The following ARHGAP24 variants were observed in gnomAD, a reference collection of about 807,000 sequenced individuals.
The protein encoded by ARHGAP24 is rho GTPase-activating protein 24.
A neutral mutation model predicts 76.4 loss-of-function variants in ARHGAP24; 50 were observed. That is an observed-to-expected ratio of 0.65 (90% CI 0.52 to 0.83). The LOEUF (loss-of-function observed/expected upper bound fraction) is 0.83, where lower values mean the gene tolerates loss of function less well. Among genes scored for constraint, ARHGAP24 ranks in the 40% least tolerant of loss-of-function variants. ARHGAP24 has a pLI of 0.00. For synonymous variants in ARHGAP24, 345 were observed against 323.3 expected (o/e 1.07, Z -0.72); for missense variants, 930 against 914.2 (o/e 1.02, Z -0.22).
chr4:85,603,029 T>C (rs991867538), intron 2 of ARHGAP24, among the ~76,000 whole-genome samples: 1 of 152,226 alleles, frequency 6.6e-6, no homozygotes, highest in Admixed American at 6.5e-5. Context: ...ATGAGCAAAA[T>C]GCTGCTTTTT....
intron 8 of ARHGAP24, among the ~76,000 whole-genome samples, chr4:85,988,326 T>C (rs918388451): frequency 4.6e-5 from 7 of 151,682 alleles, no homozygotes; most frequent in South Asian, 4.1e-4. Flanking sequence ...AGATAACCTG[T>C]TGTATAAAGC....
At chr4:85,782,948 A>G (rs1199937358) in intron 3 of ARHGAP24, among the ~76,000 whole-genome samples, 4 of 152,194 alleles carry the variant, frequency 2.6e-5, no homozygotes, top group African/African-American at 9.6e-5. Flanking sequence ...TAAAACTGCT[A>G]TGTTTTATTT....
intron 2 of ARHGAP24, among the ~76,000 whole-genome samples, chr4:85,603,722 CAT>C (rs1720106556): frequency 6.6e-6 from 1 of 152,266 alleles, no homozygotes; most frequent in African/African-American, 2.4e-5. Context: ...TTCAGTTTCT[CAT>C]ATGTTTCTAG....
chr4:85,819,587 C>G (rs1729382174), intron 3 of ARHGAP24, among the ~76,000 whole-genome samples: 1 of 151,888 alleles, frequency 6.6e-6, no homozygotes, highest in Admixed American at 6.6e-5. Flanking sequence ...ATTAACATAC[C>G]ATAAGAAAGC....
At chr4:85,800,607 G>A (rs1022134298) in intron 3 of ARHGAP24, among the ~76,000 whole-genome samples, 5 of 151,940 alleles carry the variant, frequency 3.3e-5, no homozygotes, top group Non-Finnish European at 5.9e-5. Flanking sequence ...AAAAGAGGAG[G>A]AGGAAAATAT....
At chr4:85,790,121 T>C (rs1728050450) in intron 3 of ARHGAP24, among the ~76,000 whole-genome samples, 1 of 152,172 alleles carries the variant, frequency 6.6e-6, no homozygotes, top group Non-Finnish European at 1.5e-5. Context: ...CCCCAGAATA[T>C]GCATTTTAAC....
chr4:85,944,895 T>C (rs963569113), intron 5 of ARHGAP24, among the ~76,000 whole-genome samples: 2 of 152,196 alleles, frequency 1.3e-5, no homozygotes, highest in African/African-American at 4.8e-5. Context: ...TTGCCCAGGC[T>C]GGAGTGCAAT....
At chr4:85,498,386 A>G (rs1723662118) in intron 1 of ARHGAP24, among the ~76,000 whole-genome samples, 1 of 152,154 alleles carries the variant, frequency 6.6e-6, no homozygotes, top group South Asian at 2.1e-4. Context: ...CAGACTGAAT[A>G]GTTGTGTTGC....
Position 85,960,443 on chromosome 4 carries a change from A to G in ARHGAP24, c.600-11593A>G, listed in dbSNP as rs564776446. Among the ~76,000 whole-genome samples the G allele has an allele frequency of 3.1e-3, 465 of 152,110 alleles. 2 individuals carry two copies. Among genetic ancestry groups the G allele is most frequent in the Non-Finnish European group, 5.3e-3 (359 of 67,952 alleles). ...ACATCACTGTGGATATTCATTGAAAACTCTGTGTTCATAAAGTAAAACACA... is the reference window on the plus strand; with the variant it reads ...ACATCACTGTGGATATTCATTGAAAGCTCTGTGTTCATAAAGTAAAACACA... On this transcript the variant is annotated intron_variant, in intron 5 of 9. Coordinates refer to ENST00000395184, the MANE Select transcript of ARHGAP24 (RefSeq NM_001025616.3).
At chr4:85,661,820 A>G (rs1173404773) in intron 2 of ARHGAP24, among the ~76,000 whole-genome samples, 6 of 152,142 alleles carry the variant, frequency 3.9e-5, no homozygotes, top group African/African-American at 1.4e-4. Flanking sequence ...TTCCAATTTC[A>G]TCCATGTCCC....
At position 85,562,883 on chromosome 4, in the gene ARHGAP24, C is replaced by T. The variant is rs114018736; in HGVS notation, c.-20-7639C>T. ...TTCAATGTTGAACTATCATTGTTAC[C>T]GTAGGTGAGGTTAGGAAGGGTAGTG... On this transcript the variant is annotated intron_variant, in intron 1 of 9. Transcript: ENST00000395184. Among the ~76,000 whole-genome samples the T allele has an allele frequency of 3.1e-3, 467 of 152,170 alleles. 4 individuals are homozygous for T. Among genetic ancestry groups the T allele is most frequent in the African/African-American group, 0.011 (451 of 41,516 alleles).
At chr4:85,910,200 G>A (rs755802336) in intron 3 of ARHGAP24, among the ~76,000 whole-genome samples, 7 of 152,212 alleles carry the variant, frequency 4.6e-5, no homozygotes, top group East Asian at 3.9e-4. Context: ...GCTTGAAAAC[G>A]TCAGGTACCA....
chr4:85,597,311 C>A (rs1446158564), intron 2 of ARHGAP24, among the ~76,000 whole-genome samples: 3 of 152,052 alleles, frequency 2.0e-5, no homozygotes, highest in South Asian at 2.1e-4. Flanking sequence ...TCCTTTCCAT[C>A]AAATATCACC....
intron 2 of ARHGAP24, among the ~76,000 whole-genome samples, chr4:85,575,218 T>C (rs76517681): frequency 0.023 from 3,488 of 152,290 alleles, 134 homozygotes; most frequent in African/African-American, 0.077. Flanking sequence ...CTTATACAGA[T>C]TTTATCCAGA....
intron 2 of ARHGAP24, among the ~76,000 whole-genome samples, chr4:85,669,520 G>T (rs1465577651): frequency 6.6e-6 from 1 of 151,454 alleles, no homozygotes; most frequent in East Asian, 1.9e-4. Flanking sequence ...CCATAAAAAG[G>T]TACGTATGTT....
intron 8 of ARHGAP24, chr4:85,991,974 T>C: frequency 5.1e-6 from 2 of 391,846 alleles, no homozygotes; most frequent in Non-Finnish European, 9.0e-6. Context: ...TTTTAGCCAA[T>C]GCTTATGATG....
chr4:85,902,706 C>T (rs902944551), intron 3 of ARHGAP24, among the ~76,000 whole-genome samples: 8 of 152,186 alleles, frequency 5.3e-5, no homozygotes, highest in Non-Finnish European at 5.9e-5. Flanking sequence ...CAGGTTCAAG[C>T]GATTGTCCTG....
chr4:85,656,493 G>C (rs1176344086), intron 2 of ARHGAP24, among the ~76,000 whole-genome samples: 1 of 152,178 alleles, frequency 6.6e-6, no homozygotes, highest in Admixed American at 6.5e-5. Context: ...TTTTGAGACA[G>C]AGTCTCGCTC....
At chr4:85,751,311 C>T (rs1000414784) in intron 3 of ARHGAP24, among the ~76,000 whole-genome samples, 1 of 151,984 alleles carries the variant, frequency 6.6e-6, no homozygotes, top group African/African-American at 2.4e-5. Context: ...TTTAATCCAG[C>T]TCTTAATAGG....
Sources: allele counts gnomAD v4.1 joint callset (sites outside exome capture counted in the v4.1 genomes callset), GRCh38; gene constraint gnomAD v4.1.1; transcripts MANE v1.5; gene names NCBI Gene and HGNC (gene_info 2026-07-23, HGNC 2026-07-21).